Variants in CTIF observed in about 807,000 individuals in gnomAD.
The protein encoded by CTIF is cap binding complex dependent translation initiation factor, also known as CBP80/20-dependent translation initiation factor.
A neutral mutation model predicts 66.0 loss-of-function variants in CTIF; 21 were observed. That is an observed-to-expected ratio of 0.32 (90% CI 0.23 to 0.46). CTIF has a LOEUF of 0.46. Ranked by LOEUF, CTIF falls within the 20% of genes least tolerant of loss-of-function variation. The pLI is 1.00. For missense variants in CTIF, 739 were observed against 812.7 expected, an observed-to-expected ratio of 0.91 and a Z score of 1.10; for synonymous variants, 345 against 326.4, an observed-to-expected ratio of 1.06 and a Z score of -0.62.
chr18:48,780,767 A>G (rs1027680133), intron 9 of CTIF, among the ~76,000 whole-genome samples: 1 of 152,252 alleles, frequency 6.6e-6, no homozygotes, highest in Non-Finnish European at 1.5e-5. Context: ...AGGGCCCCAC[A>G]GGGGCAAGAT....
intron 11 of CTIF, among the ~76,000 whole-genome samples, chr18:48,858,617 C>T (rs1341159967): frequency 6.6e-6 from 1 of 152,076 alleles, no homozygotes; most frequent in African/African-American, 2.4e-5. Flanking sequence ...GGGACCGAGA[C>T]GGGGACTGAG....
At chr18:48,735,490 C>A (rs907109132) in intron 7 of CTIF, among the ~76,000 whole-genome samples, 1 of 151,930 alleles carries the variant, frequency 6.6e-6, no homozygotes. Context: ...CGCACAGGCA[C>A]GTGGCAGGAA....
chr18:48,797,207 G>A (rs2067940567), intron 9 of CTIF, among the ~76,000 whole-genome samples: 1 of 152,218 alleles, frequency 6.6e-6, no homozygotes, highest in South Asian at 2.1e-4. Flanking sequence ...TTCTGGCTGG[G>A]CACGATGGCT....
chr18:48,596,416 G>A, intron 1 of CTIF, among the ~76,000 whole-genome samples: 1 of 152,020 alleles, frequency 6.6e-6, no homozygotes. Context: ...AAGAGAAAGT[G>A]GGAAGAGCAA....
At chr18:48,707,375 G>A in intron 6 of CTIF, among the ~76,000 whole-genome samples, 1 of 152,186 alleles carries the variant, frequency 6.6e-6, no homozygotes, top group East Asian at 1.9e-4. Context: ...TTTCAGGAAC[G>A]TATTGGTCCT....
intron 6 of CTIF, among the ~76,000 whole-genome samples, chr18:48,674,019 G>A (rs1271907613): frequency 6.6e-6 from 1 of 152,210 alleles, no homozygotes; most frequent in African/African-American, 2.4e-5. Flanking sequence ...CACTTCTGCA[G>A]GGGAGCGGGA....
chr18:48,770,941 A>G (rs1910049660), intron 9 of CTIF, among the ~76,000 whole-genome samples: 1 of 151,970 alleles, frequency 6.6e-6, no homozygotes, highest in African/African-American at 2.4e-5. Context: ...ACTTTATCCC[A>G]TCCTAGATTC....
At chr18:48,755,060 G>A (rs931683199) in intron 7 of CTIF, among the ~76,000 whole-genome samples, 2 of 152,198 alleles carry the variant, frequency 1.3e-5, no homozygotes, top group Admixed American at 6.5e-5. Flanking sequence ...GTTTCAAGAC[G>A]GATGTTGGGA....
intron 7 of CTIF, among the ~76,000 whole-genome samples, chr18:48,741,273 TGCCCCC>T (rs941721211): frequency 9.6e-6 from 1 of 103,760 alleles, no homozygotes; most frequent in African/African-American, 3.4e-5. Flanking sequence ...CTCTTTACTC[TGCCCCC>T]GCCCCCCCTC....
chr18:48,670,864 C>A, intron 6 of CTIF, 120 bp downstream of exon 6: 1 of 805,130 alleles, frequency 1.2e-6, no homozygotes, highest in Non-Finnish European at 2.1e-6. Flanking sequence ...AGGAGTGTAA[C>A]CGCCTGTATG....
chr18:48,615,322 C>T (rs1181043549), intron 1 of CTIF, among the ~76,000 whole-genome samples: 2 of 152,224 alleles, frequency 1.3e-5, no homozygotes, highest in Non-Finnish European at 2.9e-5. Context: ...CTCTCCCTCT[C>T]TCTGCTCCTT....
intron 5 of CTIF, among the ~76,000 whole-genome samples, chr18:48,668,203 G>A (rs1027900096): frequency 6.6e-6 from 1 of 152,244 alleles, no homozygotes; most frequent in Non-Finnish European, 1.5e-5. Flanking sequence ...ACAGAAAGCT[G>A]TGTTTGGAGT....
intron 10 of CTIF, among the ~76,000 whole-genome samples, chr18:48,845,260 A>G (rs1380985000): frequency 6.6e-6 from 1 of 151,968 alleles, no homozygotes; most frequent in African/African-American, 2.4e-5. Flanking sequence ...CCTCCTTCAC[A>G]CTCTCCAACC....
At chr18:48,788,370 C>T (rs899928855) in intron 9 of CTIF, among the ~76,000 whole-genome samples, 5 of 152,158 alleles carry the variant, frequency 3.3e-5, no homozygotes, top group African/African-American at 7.2e-5. Context: ...GAATTCCAGA[C>T]ACTTGACTCC....
chr18:48,704,820 C>T (rs1171584294), intron 6 of CTIF, among the ~76,000 whole-genome samples: 1 of 152,198 alleles, frequency 6.6e-6, no homozygotes, highest in Non-Finnish European at 1.5e-5. Context: ...AAGACTTCAG[C>T]GTAAGAATTT....
intron 7 of CTIF, among the ~76,000 whole-genome samples, chr18:48,718,467 G>T (rs551444317): frequency 1.6e-4 from 25 of 152,288 alleles, no homozygotes; most frequent in African/African-American, 6.0e-4. Context: ...AAGTCCGAAG[G>T]CCAAGAAACA....
At chr18:48,548,113 G>A (rs1236370982) in intron 1 of CTIF, among the ~76,000 whole-genome samples, 1 of 152,178 alleles carries the variant, frequency 6.6e-6, no homozygotes, top group East Asian at 1.9e-4. Flanking sequence ...CAGAGATATG[G>A]TAATGCCTAA....
chr18:48,705,272 C>T lies in CTIF; in HGVS notation c.508-6347C>T, dbSNP rs189991404. The stretch of plus-strand genomic sequence containing the variant: ...CCTTCTGCACTTCTTCCCAGCTTCC[C>T]GTGGCTGCCAGCAATCCTTGGCACT... On this transcript the variant is annotated intron_variant, in intron 6 of 11. Transcript: ENST00000256413. 3.3e-5 allele frequency among the ~76,000 whole-genome samples: 5 copies of T among 152,250 alleles called. No individual in the cohort carries two copies. In the East Asian group the frequency reaches 7.7e-4, roughly 24 times the overall value.
At chr18:48,612,016 C>T (rs983492842) in intron 1 of CTIF, among the ~76,000 whole-genome samples, 1 of 152,134 alleles carries the variant, frequency 6.6e-6, no homozygotes, top group Admixed American at 6.5e-5. Context: ...GAAAATGTTG[C>T]CAATTTCCAA....
Sources: allele counts gnomAD v4.1 joint callset (sites outside exome capture counted in the v4.1 genomes callset), GRCh38; gene constraint gnomAD v4.1.1; transcripts MANE v1.5; gene names NCBI Gene and HGNC (gene_info 2026-07-23, HGNC 2026-07-21).